The following KLHL29 variants were observed in gnomAD, a reference collection of about 807,000 sequenced individuals.
The protein encoded by KLHL29 is kelch-like protein 29.
Under a neutral mutation model 80.4 loss-of-function variants are expected in KLHL29, and 21 were observed. The ratio of observed to expected loss-of-function variants is 0.26; its 90% CI spans 0.19 to 0.38. KLHL29 has a LOEUF of 0.38. KLHL29 is among the 10% of genes least tolerant of loss of function. The probability of loss-of-function intolerance (pLI) is 1.00; values close to 1 mark genes in which losing one functional copy is unlikely to be tolerated. For synonymous variants in KLHL29, 511 were observed against 526.8 expected, an observed-to-expected ratio of 0.97 and a Z score of 0.41; for missense variants, 867 against 1,223.9, an observed-to-expected ratio of 0.71 and a Z score of 4.35.
intron 2 of KLHL29, among the ~76,000 whole-genome samples, chr2:23,494,917 C>T (rs191272123): frequency 1.3e-3 from 201 of 152,316 alleles, no homozygotes; most frequent in African/African-American, 4.6e-3. Flanking sequence ...CTTGATGAAG[C>T]GACAGTGCTC....
At chr2:23,653,685 G>C (rs946004381) in intron 5 of KLHL29, among the ~76,000 whole-genome samples, 6 of 152,188 alleles carry the variant, frequency 3.9e-5, no homozygotes, top group African/African-American at 9.7e-5. Flanking sequence ...GGTGACAAGG[G>C]CAAACTCTGA....
intron 5 of KLHL29, among the ~76,000 whole-genome samples, chr2:23,679,930 G>C (rs943482559): frequency 6.6e-6 from 1 of 152,166 alleles, no homozygotes; most frequent in Admixed American, 6.5e-5. Context: ...GAGTGGGGAC[G>C]TGTGTGGGGT....
At chr2:23,626,876 G>C (rs894258796) in intron 3 of KLHL29, among the ~76,000 whole-genome samples, 2 of 152,170 alleles carry the variant, frequency 1.3e-5, no homozygotes, top group African/African-American at 2.4e-5. Context: ...CTGCTGAGGA[G>C]GGGACATCAG....
At chr2:23,525,483 C>G (rs1310664574) in intron 2 of KLHL29, among the ~76,000 whole-genome samples, 2 of 152,234 alleles carry the variant, frequency 1.3e-5, no homozygotes, top group Non-Finnish European at 2.9e-5. Context: ...CCGGAGCTTG[C>G]TGGCATCTGC....
chr2:23,705,490 C>CA (rs879443213), intron 13 of KLHL29, among the ~76,000 whole-genome samples: 414 of 122,444 alleles, frequency 3.4e-3, no homozygotes, highest in African/African-American at 7.4e-3. Flanking sequence ...GACTCCGTCT[C>CA]AAAAAAAAAA....
At chr2:23,442,670 C>T (rs1663563440) in intron 1 of KLHL29, among the ~76,000 whole-genome samples, 1 of 152,264 alleles carries the variant, frequency 6.6e-6, no homozygotes, top group South Asian at 2.1e-4. Context: ...GGTAATAAAT[C>T]TGTGTTGTTT....
chr2:23,605,107 CTTTTT>C (rs386389703), intron 3 of KLHL29, among the ~76,000 whole-genome samples: 3 of 92,470 alleles, frequency 3.2e-5, no homozygotes, highest in African/African-American at 1.3e-4. Context: ...TCCTTTGTTG[CTTTTT>C]TTTTTTTTTT....
rs1448904934 is a variant in KLHL29 at position 23,654,698 on chromosome 2, G to C, written c.940+11848G>C. Reference sequence around the variant, plus strand: ...CTCTTCCAGAAGGGAACAGAGGTTGGGGGGGGGGGGTGGATGTTTTGTATG... The same window carrying C: ...CTCTTCCAGAAGGGAACAGAGGTTGCGGGGGGGGGGTGGATGTTTTGTATG... On this transcript the variant is annotated intron_variant, in intron 5 of 13. Transcript: ENST00000486442. Among the ~76,000 whole-genome samples, 4 of 98,632 alleles carry C rather than the reference G, an allele frequency of 4.1e-5. 1 individual carries two copies. The highest frequency in any genetic ancestry group is 2.0e-4 in the Admixed American group (2 of 10,116). The allele number at this position is 98,632 out of a possible 152,430, so 64.7% of individuals were successfully genotyped here.
At chr2:23,404,049 A>G (rs563321975) in intron 1 of KLHL29, among the ~76,000 whole-genome samples, 3 of 152,308 alleles carry the variant, frequency 2.0e-5, no homozygotes, top group African/African-American at 7.2e-5. Context: ...AAGTGTACAG[A>G]GAATTGTGTT....
intron 2 of KLHL29, among the ~76,000 whole-genome samples, chr2:23,523,758 A>G (rs1666186613): frequency 1.3e-5 from 2 of 152,226 alleles, no homozygotes; most frequent in South Asian, 4.1e-4. Context: ...ATCTCTTTGC[A>G]AGAGCCAATA....
intron 1 of KLHL29, among the ~76,000 whole-genome samples, chr2:23,442,219 T>A (rs1421295860): frequency 1.3e-5 from 2 of 152,134 alleles, no homozygotes; most frequent in African/African-American, 4.8e-5. Flanking sequence ...GCCTTCCAAG[T>A]AGCTGAGACC....
At position 23,634,922 on chromosome 2, in the gene KLHL29, T is replaced by C. The variant is rs911333587; in HGVS notation, c.286-4217T>C. Among the ~76,000 whole-genome samples the C allele has an allele frequency of 1.3e-5, 2 of 150,848 alleles. 1 individual carries two copies. Among genetic ancestry groups the C allele is most frequent in the South Asian group, 4.2e-4 (2 of 4,708 alleles). On this transcript the variant is annotated intron_variant, in intron 3 of 13. Coordinates refer to ENST00000486442, the MANE Select transcript of KLHL29 (RefSeq NM_052920.2). Reference sequence around the variant, plus strand: ...ATGCTTCTTCCACTGGCCAACACTTTAGCTCAGAGACCCTGCCCTCATGGA... The same window carrying C: ...ATGCTTCTTCCACTGGCCAACACTTCAGCTCAGAGACCCTGCCCTCATGGA...
At chr2:23,407,777 T>C (rs1247648430) in intron 1 of KLHL29, among the ~76,000 whole-genome samples, 1 of 152,212 alleles carries the variant, frequency 6.6e-6, no homozygotes, top group Admixed American at 6.5e-5. Flanking sequence ...CATTTTGCTA[T>C]AAAATATGAT....
At chr2:23,673,309 C>T (rs1395909844) in intron 5 of KLHL29, among the ~76,000 whole-genome samples, 1 of 151,464 alleles carries the variant, frequency 6.6e-6, no homozygotes, top group Non-Finnish European at 1.5e-5. Flanking sequence ...ATGCACTGTA[C>T]ACAAGAGGAC....
intron 1 of KLHL29, among the ~76,000 whole-genome samples, chr2:23,471,195 T>C (rs1664486889): frequency 6.6e-6 from 1 of 152,192 alleles, no homozygotes; most frequent in South Asian, 2.1e-4. Context: ...GCTGAACTTC[T>C]GGGTTCTGGA....
At chr2:23,480,286 G>A (rs1407295383) in intron 2 of KLHL29, among the ~76,000 whole-genome samples, 1 of 152,148 alleles carries the variant, frequency 6.6e-6, no homozygotes, top group South Asian at 2.1e-4. Flanking sequence ...CAGGAGTTCA[G>A]GACCAGCCTG....
intron 3 of KLHL29, among the ~76,000 whole-genome samples, chr2:23,626,985 C>T (rs1669325157): frequency 6.6e-6 from 1 of 152,174 alleles, no homozygotes; most frequent in Non-Finnish European, 1.5e-5. Flanking sequence ...CAGAGAAGAC[C>T]AGAGCCTCAT....
intron 2 of KLHL29, among the ~76,000 whole-genome samples, chr2:23,545,079 GA>G: frequency 6.6e-6 from 1 of 152,338 alleles, no homozygotes; most frequent in South Asian, 2.1e-4. Context: ...AAATCCAGCT[GA>G]GAGATGACAG....
chr2:23,414,251 T>C (rs1314301621), intron 1 of KLHL29, among the ~76,000 whole-genome samples: 1 of 152,068 alleles, frequency 6.6e-6, no homozygotes, highest in Non-Finnish European at 1.5e-5. Context: ...CAAAGCTTCC[T>C]GTGAGCTGGG....
Sources: gnomAD v4.1 joint callset for allele counts (sites outside exome capture counted in the v4.1 genomes callset) on GRCh38, gnomAD v4.1.1 for gene constraint, MANE v1.5 for transcripts, NCBI Gene and HGNC (gene_info 2026-07-23, HGNC 2026-07-21) for gene names.